The following GRHL2 variants were observed in gnomAD, a reference collection of about 807,000 sequenced individuals.
GRHL2 encodes the protein grainyhead like transcription factor 2.
A neutral mutation model predicts 83.8 loss-of-function variants in GRHL2; 21 were observed. The observed-to-expected ratio is 0.25, with a 90% CI of 0.18 to 0.36. The LOEUF is 0.36. GRHL2 is among the 10% of genes least tolerant of loss of function. GRHL2 has a pLI of 1.00. For synonymous variants in GRHL2, 280 were observed against 278.9 expected, an observed-to-expected ratio of 1.00 and a Z score of -0.04; for missense variants, 623 against 781.8, an observed-to-expected ratio of 0.80 and a Z score of 2.42.
At chr8:101,512,140 T>C (rs1479402782) in intron 1 of GRHL2, among the ~76,000 whole-genome samples, 1 of 152,110 alleles carries the variant, frequency 6.6e-6, no homozygotes, top group Non-Finnish European at 1.5e-5. Flanking sequence ...AAAATCTCTC[T>C]GGTTATTTTG....
At chr8:101,602,487 A>T (rs1331804495) in intron 8 of GRHL2, among the ~76,000 whole-genome samples, 2 of 152,220 alleles carry the variant, frequency 1.3e-5, no homozygotes, top group Non-Finnish European at 2.9e-5. Context: ...TGTGGCCTAC[A>T]GCCTTTTGAT....
intron 1 of GRHL2, among the ~76,000 whole-genome samples, chr8:101,501,609 G>T (rs1211696500): frequency 6.6e-6 from 1 of 152,108 alleles, no homozygotes; most frequent in Non-Finnish European, 1.5e-5. Flanking sequence ...CTGCTGCCGG[G>T]GCCTAGGGTG....
At chr8:101,583,703 A>G (rs1262072426) in intron 7 of GRHL2, among the ~76,000 whole-genome samples, 2 of 152,256 alleles carry the variant, frequency 1.3e-5, no homozygotes, top group Non-Finnish European at 2.9e-5. Context: ...ACTAGACTAG[A>G]TATCAGTCCA....
At chr8:101,660,147 A>G (rs1241886475) in intron 14 of GRHL2, among the ~76,000 whole-genome samples, 2 of 152,250 alleles carry the variant, frequency 1.3e-5, no homozygotes, top group African/African-American at 4.8e-5. Context: ...CACTTAAGCA[A>G]AAGTTATTAC....
At chr8:101,650,342 G>A (rs867076648) in intron 14 of GRHL2, among the ~76,000 whole-genome samples, 1 of 152,106 alleles carries the variant, frequency 6.6e-6, no homozygotes, top group East Asian at 1.9e-4. Flanking sequence ...TGTAGTAATC[G>A]GGACTTCACT....
In GRHL2 at chr8:101,623,909, G is replaced by T. The variant is rs1813018255; in HGVS notation, c.1257+4212G>T. 2.1e-5 allele frequency among the ~76,000 whole-genome samples: 3 copies of T among 145,926 alleles called. No individual in the cohort carries two copies. The South Asian group carries it at 6.6e-4, about 32-fold the overall frequency. ...GTTCACAGTACACAGTACACAGTAG[G>T]ACAGTACACAGTAGAACAGGTCACA... On this transcript the variant is annotated intron_variant, in intron 9 of 15. Transcript: ENST00000646743.
At chr8:101,664,907 A>C (rs538396994) in intron 15 of GRHL2, among the ~76,000 whole-genome samples, 2 of 152,226 alleles carry the variant, frequency 1.3e-5, no homozygotes, top group East Asian at 3.9e-4. Flanking sequence ...AATGGTTTGG[A>C]ACATAGGGGA....
intron 7 of GRHL2, among the ~76,000 whole-genome samples, chr8:101,589,636 G>A (rs555603767): frequency 6.6e-6 from 1 of 152,280 alleles, no homozygotes. Context: ...AAACAGGAGG[G>A]TGAATCAAGC....
At chr8:101,532,391 A>G (rs1021630963) in intron 1 of GRHL2, among the ~76,000 whole-genome samples, 3 of 152,244 alleles carry the variant, frequency 2.0e-5, no homozygotes, top group African/African-American at 7.2e-5. Flanking sequence ...AATCAGCCGT[A>G]GTGAATCAGC....
intron 7 of GRHL2, among the ~76,000 whole-genome samples, chr8:101,598,822 G>T (rs1285310662): frequency 6.6e-6 from 1 of 152,082 alleles, no homozygotes; most frequent in Non-Finnish European, 1.5e-5. Flanking sequence ...GAACAAATTA[G>T]CTAAGAACAT....
chr8:101,652,522 G>GTGTT (rs1315383337), intron 14 of GRHL2, among the ~76,000 whole-genome samples: 2,048 of 50,458 alleles, frequency 0.041, 323 homozygotes, highest in Middle Eastern at 0.14. Flanking sequence ...TGTGTGTGTG[G>GTGTT]TGTGTGTGTG....
At chr8:101,509,135 TTCCTTCCTTCCTTCCTTC>T (rs1810402317) in intron 1 of GRHL2, among the ~76,000 whole-genome samples, 1 of 70,660 alleles carries the variant, frequency 1.4e-5, no homozygotes, top group Non-Finnish European at 4.0e-5. Context: ...CCTTCCTTCC[TTCCTTCCTTCCTTCCTTC>T]CTTCCTTTCT....
chr8:101,548,656 G>A (rs1811315516), intron 2 of GRHL2, among the ~76,000 whole-genome samples: 1 of 152,154 alleles, frequency 6.6e-6, no homozygotes, highest in African/African-American at 2.4e-5. Context: ...GTCCAGGTAG[G>A]GACATCTAGG....
chr8:101,635,890 A>G (rs570453709), intron 11 of GRHL2, among the ~76,000 whole-genome samples: 4 of 152,348 alleles, frequency 2.6e-5, no homozygotes, highest in Admixed American at 2.6e-4. Context: ...GCTTGGCAGC[A>G]TCCCAGGAAC....
intron 14 of GRHL2, among the ~76,000 whole-genome samples, chr8:101,656,814 C>T (rs1640492817): frequency 6.6e-6 from 1 of 151,648 alleles, no homozygotes; most frequent in African/African-American, 2.4e-5. Flanking sequence ...TTAATATATA[C>T]TGGGTGTGTG....
At chr8:101,529,481 T>G (rs1810876737) in intron 1 of GRHL2, 1 of 171,536 alleles carries the variant, frequency 5.8e-6, no homozygotes, top group Admixed American at 6.3e-5. Flanking sequence ...TCTTGTTTCA[T>G]TTCCTTGGTC....
At chr8:101,646,251 A>G (rs756834282) in intron 13 of GRHL2, among the ~76,000 whole-genome samples, 3 of 152,226 alleles carry the variant, frequency 2.0e-5, no homozygotes, top group Non-Finnish European at 1.5e-5. Flanking sequence ...TGGCTTTTCT[A>G]TAGAGTCAGG....
chr8:101,612,520 G>GATACATATATACATAC lies in GRHL2; in HGVS notation c.1099-7012_1099-7011insTATACATACATACATA, dbSNP rs1554592373. Among the ~76,000 whole-genome samples, 5 of 123,678 alleles carry GATACATATATACATAC rather than the reference G, an allele frequency of 4.0e-5. No individual in the cohort carries two copies. In the East Asian group the frequency reaches 9.4e-4, roughly 23 times the overall value. 81.1% of individuals were successfully genotyped at this position (123,678 alleles called of 152,430 possible). Reference sequence around the variant, plus strand: ...AGATAGATAGATAGATAGATAGATAGATACATACATACATACATACATACA... The same window carrying GATACATATATACATAC: ...AGATAGATAGATAGATAGATAGATAGATACATATATACATACATACATACATACATACATACATACA... On this transcript the variant is annotated intron_variant, in intron 8 of 15. Transcript: ENST00000646743.
At chr8:101,584,254 T>C (rs905831112) in intron 7 of GRHL2, among the ~76,000 whole-genome samples, 84 of 152,240 alleles carry the variant, frequency 5.5e-4, no homozygotes, top group Admixed American at 3.2e-3. Flanking sequence ...TATTAGCATA[T>C]GATTATAGGA....
Sources: gnomAD v4.1 joint callset for allele counts (sites outside exome capture counted in the v4.1 genomes callset) on GRCh38, gnomAD v4.1.1 for gene constraint, MANE v1.5 for transcripts, NCBI Gene and HGNC (gene_info 2026-07-23, HGNC 2026-07-21) for gene names.